The following TMEM17 variants were observed in gnomAD, a reference collection of about 807,000 sequenced individuals.
TMEM17 encodes transmembrane protein 17.
In TMEM17, 15 loss-of-function variants were observed where a neutral mutation model predicts 19.1. The observed-to-expected ratio is 0.78, with a 90% CI of 0.52 to 1.21. The LOEUF is 1.21. TMEM17 is among the 50% of genes most tolerant of loss of function. The pLI is 0.00. For missense variants in TMEM17, 245 were observed against 242.3 expected, an observed-to-expected ratio of 1.01 and a Z score of -0.07; for synonymous variants, 103 against 86.9, an observed-to-expected ratio of 1.19 and a Z score of -1.03.
At chr2:62,470,482 C>T in the TMEM17 span, among the ~76,000 whole-genome samples, 1 of 152,226 alleles carries the variant, frequency 6.6e-6, no homozygotes, top group South Asian at 2.1e-4. Context: ...CATGCCACAG[C>T]CTGTAGTATT....
chr2:62,498,540 C>A (rs891910088), downstream of TMEM17, among the ~76,000 whole-genome samples: 1 of 149,838 alleles, frequency 6.7e-6, no homozygotes, highest in Non-Finnish European at 1.5e-5. Flanking sequence ...AACGGTGAAA[C>A]CCCGTCTCTA....
downstream of TMEM17, among the ~76,000 whole-genome samples, chr2:62,497,144 A>T (rs550407594): frequency 1.1e-4 from 16 of 152,162 alleles, no homozygotes; most frequent in Non-Finnish European, 2.1e-4. Flanking sequence ...ATTCAAGTTT[A>T]TTTTATTGCC....
chr2:62,488,607 A>G, the TMEM17 span, among the ~76,000 whole-genome samples: 1 of 152,020 alleles, frequency 6.6e-6, no homozygotes, highest in Non-Finnish European at 1.5e-5. Context: ...ATAGGACCCA[A>G]CTATGTGGTT....
downstream of TMEM17, among the ~76,000 whole-genome samples, chr2:62,496,846 C>T (rs1679790189): frequency 6.6e-6 from 1 of 152,160 alleles, no homozygotes; most frequent in Non-Finnish European, 1.5e-5. Context: ...GCCTGTAATC[C>T]CAGTACCTTA....
chr2:62,475,337 C>G, the TMEM17 span, among the ~76,000 whole-genome samples: 1 of 152,234 alleles, frequency 6.6e-6, no homozygotes, highest in Non-Finnish European at 1.5e-5. Context: ...GGCATGCCCA[C>G]GCAGCCGGGC....
the TMEM17 span, among the ~76,000 whole-genome samples, chr2:62,478,392 T>G: frequency 1.3e-5 from 2 of 152,148 alleles, no homozygotes; most frequent in Non-Finnish European, 2.9e-5. Flanking sequence ...AAGGCAGGAA[T>G]GAGGAAGTTC....
chr2:62,465,175 G>A, the TMEM17 span, among the ~76,000 whole-genome samples: 1 of 152,186 alleles, frequency 6.6e-6, no homozygotes, highest in Admixed American at 6.5e-5. Flanking sequence ...AAGTCGGTGA[G>A]GCCTACAATT....
At chr2:62,478,334 C>T in the TMEM17 span, among the ~76,000 whole-genome samples, 2 of 152,150 alleles carry the variant, frequency 1.3e-5, no homozygotes, top group African/African-American at 2.4e-5. Flanking sequence ...TTCCCTGCAG[C>T]TCAGGGAAGG....
downstream of TMEM17, among the ~76,000 whole-genome samples, chr2:62,499,985 T>A (rs1444588932): frequency 1.3e-5 from 2 of 152,228 alleles, no homozygotes; most frequent in Non-Finnish European, 2.9e-5. Flanking sequence ...CTCATATGTA[T>A]TAAGAGGCGC....
chr2:62,485,321 C>T, the TMEM17 span, among the ~76,000 whole-genome samples: 7 of 152,196 alleles, frequency 4.6e-5, no homozygotes, highest in African/African-American at 2.4e-5. Context: ...CTTCTACATT[C>T]CCTTATTTCT....
At chr2:62,471,972 C>G in the TMEM17 span, among the ~76,000 whole-genome samples, 2 of 152,204 alleles carry the variant, frequency 1.3e-5, no homozygotes, top group African/African-American at 4.8e-5. Flanking sequence ...AACTCAGATG[C>G]GGAGTCAAGG....
downstream of TMEM17, among the ~76,000 whole-genome samples, chr2:62,498,821 T>A (rs1450677875): frequency 6.6e-6 from 1 of 152,018 alleles, no homozygotes; most frequent in Non-Finnish European, 1.5e-5. Flanking sequence ...AATTAAAAAA[T>A]TTTCAGTACA....
the TMEM17 span, among the ~76,000 whole-genome samples, chr2:62,474,132 C>A: frequency 6.6e-6 from 1 of 152,128 alleles, no homozygotes. Flanking sequence ...AAGGGAGCTG[C>A]TGCGTTCTCC....
chr2:62,458,879 T>A, the TMEM17 span, among the ~76,000 whole-genome samples: 1 of 152,228 alleles, frequency 6.6e-6, no homozygotes, highest in African/African-American at 2.4e-5. Flanking sequence ...GATGCCAAGA[T>A]GGAACTCTGC....
chr2:62,465,495 G>A, the TMEM17 span, among the ~76,000 whole-genome samples: 2 of 152,170 alleles, frequency 1.3e-5, no homozygotes, highest in East Asian at 1.9e-4. Context: ...CTCAGCAACC[G>A]GGTACAGTAG....
chr2:62,498,526 C>T (rs1679829951), downstream of TMEM17, among the ~76,000 whole-genome samples: 1 of 150,268 alleles, frequency 6.7e-6, no homozygotes, highest in African/African-American at 2.4e-5. Context: ...ACCATCCCGG[C>T]TAAAACGGTG....
chr2:62,482,873 G>A, the TMEM17 span, among the ~76,000 whole-genome samples: 5 of 152,216 alleles, frequency 3.3e-5, no homozygotes, highest in Admixed American at 6.5e-5. Flanking sequence ...GCTAGTTTGG[G>A]TTGGAGTTTC....
chr2:62,504,582 T>C (rs1429056647), intron 1 of TMEM17, among the ~76,000 whole-genome samples: 1 of 152,152 alleles, frequency 6.6e-6, no homozygotes, highest in Non-Finnish European at 1.5e-5. Flanking sequence ...GAAATGAAAA[T>C]CAAATTAATA....
the TMEM17 span, among the ~76,000 whole-genome samples, chr2:62,467,582 G>A: frequency 6.6e-6 from 1 of 152,168 alleles, no homozygotes; most frequent in Admixed American, 6.5e-5. Context: ...GTTCAGTCCT[G>A]CTTTGTTCTG....
Sources: gnomAD v4.1 joint callset for allele counts (sites outside exome capture counted in the v4.1 genomes callset) on GRCh38, gnomAD v4.1.1 for gene constraint, MANE v1.5 for transcripts, NCBI Gene and HGNC (gene_info 2026-07-23, HGNC 2026-07-21) for gene names.